The following TPO variants were observed in gnomAD, a reference collection of about 807,000 sequenced individuals.
TPO encodes thyroid peroxidase.
In TPO, 78 loss-of-function variants were observed where a neutral mutation model predicts 96.9. The observed-to-expected ratio is 0.81, with a 90% CI of 0.67 to 0.97. TPO has a LOEUF of 0.97. Among genes scored for constraint, TPO ranks in the 50% least tolerant of loss-of-function variants. The pLI is 0.00. For missense variants in TPO, 1,252 were observed against 1,274.8 expected, an observed-to-expected ratio of 0.98 and a Z score of 0.27; for synonymous variants, 547 against 538.0, an observed-to-expected ratio of 1.02 and a Z score of -0.23.
At chr2:1,516,002 A>C (rs1674663446) in intron 14 of TPO, among the ~76,000 whole-genome samples, 1 of 152,202 alleles carries the variant, frequency 6.6e-6, no homozygotes, top group African/African-American at 2.4e-5. Context: ...TCCAAACAGA[A>C]AAGTCGGTAA....
In TPO at chr2:1,487,821, G is replaced by A. The variant is rs1375355941; in HGVS notation, c.1598G>A (p.Gly533Asp). ...FFSPWTLLRG[G>D]GLDPLIRGLL... is the part of the protein sequence containing the mutation. ...TTGCCTTGTGCATGGTATTTTCCAG[G>A]TGGTTTGGACCCACTAATACGAGGC... Residue 533 changes from glycine (G) to aspartate (D), a missense_variant and splice_region_variant, in exon 10 of 17, where the codon GGT (glycine) becomes GAT (aspartate). Physicochemically the swap from Gly to Asp is moderately conservative, Grantham distance 94. Transcript: ENST00000329066. 1.2e-6 allele frequency: 2 copies of A among 1,614,100 alleles called. No individual in the cohort carries two copies. The highest frequency in any genetic ancestry group is 3.3e-5 in the Admixed American group (2 of 60,008).
At chr2:1,538,481 A>C (rs569401268) in intron 15 of TPO, among the ~76,000 whole-genome samples, 3 of 152,212 alleles carry the variant, frequency 2.0e-5, no homozygotes, top group African/African-American at 7.2e-5. Flanking sequence ...TGAATATAGA[A>C]AATAATTTAA....
At chr2:1,458,690 T>C (rs1464632400) in intron 7 of TPO, among the ~76,000 whole-genome samples, 2 of 152,196 alleles carry the variant, frequency 1.3e-5, no homozygotes, top group African/African-American at 2.4e-5. Flanking sequence ...ACCTGCACTT[T>C]TTCTCATCCT....
At chr2:1,455,655 G>C (rs1249725292) in intron 6 of TPO, among the ~76,000 whole-genome samples, 6 of 152,222 alleles carry the variant, frequency 3.9e-5, no homozygotes, top group Admixed American at 6.5e-5. Flanking sequence ...ATCCAGCCAA[G>C]CAACTCCCTT....
chr2:1,473,469 C>T (rs574209415), intron 7 of TPO, among the ~76,000 whole-genome samples: 55 of 152,270 alleles, frequency 3.6e-4, no homozygotes, highest in South Asian at 2.7e-3. Context: ...ATCCTATTAT[C>T]TGTCAAGTCA....
chr2:1,435,589 A>G (rs577951282), intron 4 of TPO, among the ~76,000 whole-genome samples: 2 of 152,280 alleles, frequency 1.3e-5, no homozygotes, highest in South Asian at 4.1e-4. Context: ...GTAATCGATG[A>G]TTACCTCTAC....
chr2:1,397,114 C>T (rs184498930), intron 1 of TPO, among the ~76,000 whole-genome samples: 16 of 152,164 alleles, frequency 1.1e-4, no homozygotes, highest in South Asian at 2.1e-4. Context: ...ATAAAGATGC[C>T]GTAAGGACTC....
intron 3 of TPO, 38 bp downstream of exon 3, chr2:1,423,167 C>T (rs745498145): frequency 1.3e-5 from 20 of 1,594,610 alleles, no homozygotes; most frequent in Non-Finnish European, 1.5e-5. Flanking sequence ...CAAATGCCAC[C>T]GACAGGCGCA....
intron 15 of TPO, among the ~76,000 whole-genome samples, chr2:1,536,959 CT>C (rs1412640750): frequency 2.6e-4 from 23 of 89,946 alleles, no homozygotes; most frequent in African/African-American, 9.5e-4. Context: ...TCAAATCCCC[CT>C]GTGTGCAACC....
At chr2:1,443,151 T>C (rs1666356644) in intron 5 of TPO, among the ~76,000 whole-genome samples, 1 of 152,238 alleles carries the variant, frequency 6.6e-6, no homozygotes, top group Non-Finnish European at 1.5e-5. Flanking sequence ...TGTCTCACAG[T>C]GTTGGAAGGG....
intron 7 of TPO, among the ~76,000 whole-genome samples, chr2:1,461,394 T>C (rs1038171711): frequency 2.6e-5 from 4 of 152,362 alleles, no homozygotes; most frequent in South Asian, 2.1e-4. Flanking sequence ...TTAAAGATTT[T>C]GTGACCACAC....
intron 3 of TPO, among the ~76,000 whole-genome samples, chr2:1,425,469 T>C (rs1324902007): frequency 1.3e-5 from 2 of 151,910 alleles, no homozygotes; most frequent in Non-Finnish European, 2.9e-5. Flanking sequence ...AGAGATGCGT[T>C]AGATCATTTC....
In TPO at chr2:1,433,601, C is replaced by A. The variant is rs1173338610; in HGVS notation, c.343C>A (p.Pro115Thr). The change falls in exon 4 of 17, where the codon CCA becomes ACA. Residue 115 changes from proline (P) to threonine (T), a missense_variant. Physicochemically the swap from Pro to Thr is conservative, Grantham distance 38 (BLOSUM62 -1). Coordinates refer to ENST00000329066, the MANE Select transcript of TPO (RefSeq NM_001206744.2). ...VNLKTQQSQHPTDALSEDLLS... is the reference protein window; with the variant it reads ...VNLKTQQSQHTTDALSEDLLS... ...CCTGAAAACTCAACAATCACAGCAT[C>A]CAACGGGTAATGTGTGCCCCTCTCC... 1.1e-5 allele frequency: 17 copies of A among 1,613,590 alleles called. No individual in the cohort carries two copies. The highest frequency in any genetic ancestry group is 1.6e-4 in the Middle Eastern group (1 of 6,084).
At chr2:1,403,735 C>T (rs747187094) in intron 1 of TPO, among the ~76,000 whole-genome samples, 2 of 152,218 alleles carry the variant, frequency 1.3e-5, no homozygotes, top group African/African-American at 2.4e-5. Flanking sequence ...GGCTCCATCT[C>T]CCTCCTTCCG....
intron 14 of TPO, among the ~76,000 whole-genome samples, chr2:1,505,185 C>T (rs1004362651): frequency 3.3e-5 from 5 of 152,152 alleles, no homozygotes; most frequent in African/African-American, 4.8e-5. Flanking sequence ...CTTTCTGGGG[C>T]TCTCAAGCTA....
chr2:1,419,040 CCTT>C (rs1432183897), intron 2 of TPO, among the ~76,000 whole-genome samples: 3 of 152,262 alleles, frequency 2.0e-5, no homozygotes, highest in East Asian at 1.9e-4. Context: ...AAGGCAACTT[CCTT>C]CTTCTTTCTG....
At chr2:1,440,165 ACCG>A (rs1666020174) in intron 5 of TPO, among the ~76,000 whole-genome samples, 2 of 81,822 alleles carry the variant, frequency 2.4e-5, no homozygotes, top group African/African-American at 1.0e-4. Context: ...CTGCGTTTCC[ACCG>A]TGCTGCGTTT....
At chr2:1,425,998 A>G (rs573290899) in intron 3 of TPO, among the ~76,000 whole-genome samples, 8 of 146,164 alleles carry the variant, frequency 5.5e-5, no homozygotes, top group Admixed American at 6.7e-5. Flanking sequence ...TCTAGATGCC[A>G]GGATACAGAG....
chr2:1,414,302 G>GT, intron 1 of TPO, 106 bp from the exon 2 acceptor site: 1 of 1,079,574 alleles, frequency 9.3e-7, no homozygotes, highest in African/African-American at 1.5e-5. Flanking sequence ...TAGAGGCTGC[G>GT]TGGAGTCAGT....
Sources: allele counts gnomAD v4.1 joint callset (sites outside exome capture counted in the v4.1 genomes callset), GRCh38; gene constraint gnomAD v4.1.1; transcripts MANE v1.5; gene names NCBI Gene and HGNC (gene_info 2026-07-23, HGNC 2026-07-21).